TNNI3K: variants seen among roughly 807,000 people sequenced by gnomAD.
TNNI3K encodes TNNI3 interacting kinase, also known as serine/threonine-protein kinase TNNI3K.
TNNI3K carries 140 observed loss-of-function variants against 114.5 expected under a neutral mutation model. The observed-to-expected ratio is 1.22, with a 90% confidence interval of 1.07 to 1.41. TNNI3K has a LOEUF of 1.41. Ranked by LOEUF, TNNI3K falls within the 40% of genes most tolerant of loss-of-function variation. TNNI3K has a pLI of 0.00. For synonymous variants in TNNI3K, 347 were observed against 347.5 expected, an observed-to-expected ratio of 1.00 and a Z score of 0.02; for missense variants, 1,125 against 1,007.6, an observed-to-expected ratio of 1.12 and a Z score of -1.58.
At chr1:74,541,158 G>C (rs888298771) in intron 24 of TNNI3K, among the ~76,000 whole-genome samples, 1 of 152,152 alleles carries the variant, frequency 6.6e-6, no homozygotes, top group Non-Finnish European at 1.5e-5. Context: ...AGCTGGGTTT[G>C]GGAAAGAATA....
intron 23 of TNNI3K, among the ~76,000 whole-genome samples, chr1:74,510,667 G>A (rs141038369): frequency 7.2e-5 from 11 of 152,210 alleles, no homozygotes; most frequent in African/African-American, 2.4e-4. Context: ...ATAAACTTCC[G>A]TTTCTCTTTG....
intron 5 of TNNI3K, among the ~76,000 whole-genome samples, chr1:74,305,935 A>G (rs1277946452): frequency 6.6e-6 from 1 of 152,176 alleles, no homozygotes; most frequent in African/African-American, 2.4e-5. Flanking sequence ...AATATATTGC[A>G]TAATGCTTGG....
chr1:74,279,216 A>G (rs1656860084), intron 5 of TNNI3K, among the ~76,000 whole-genome samples: 1 of 152,192 alleles, frequency 6.6e-6, no homozygotes, highest in Non-Finnish European at 1.5e-5. Flanking sequence ...GGTATTGGAC[A>G]AGGCCCCTAC....
intron 2 of TNNI3K, among the ~76,000 whole-genome samples, chr1:74,245,295 G>T (rs1654486566): frequency 6.6e-6 from 1 of 152,184 alleles, no homozygotes; most frequent in African/African-American, 2.4e-5. Context: ...CTCTGATATA[G>T]TCCCTGGTGA....
intron 17 of TNNI3K, among the ~76,000 whole-genome samples, chr1:74,396,726 A>T (rs1430792888): frequency 2.0e-5 from 3 of 152,180 alleles, no homozygotes; most frequent in Non-Finnish European, 4.4e-5. Context: ...AATTAGAGGG[A>T]TTAGAGTCCA....
At chr1:74,288,260 C>T (rs757696116) in intron 5 of TNNI3K, among the ~76,000 whole-genome samples, 2 of 152,044 alleles carry the variant, frequency 1.3e-5, no homozygotes, top group African/African-American at 4.8e-5. Flanking sequence ...TATCTGCATT[C>T]CCATTTTTTA....
At chr1:74,533,076 A>C (rs1165976046) in intron 23 of TNNI3K, among the ~76,000 whole-genome samples, 1 of 152,216 alleles carries the variant, frequency 6.6e-6, no homozygotes, top group Non-Finnish European at 1.5e-5. Context: ...GGATCTAATT[A>C]AACTAAAGAG....
At chr1:74,370,099 C>G (rs1454877857) in intron 16 of TNNI3K, among the ~76,000 whole-genome samples, 189 bp from the exon 17 acceptor site, 1 of 151,734 alleles carries the variant, frequency 6.6e-6, no homozygotes. Context: ...TGCTGTATAT[C>G]TTAATTGATT....
At chr1:74,538,774 C>A (rs552938403) in intron 23 of TNNI3K, among the ~76,000 whole-genome samples, 7 of 152,032 alleles carry the variant, frequency 4.6e-5, no homozygotes, top group Admixed American at 6.6e-5. Context: ...AAGAGCATTG[C>A]AAGCAGCGTT....
chr1:74,522,220 A>T (rs17095509), intron 23 of TNNI3K, among the ~76,000 whole-genome samples: 6,245 of 152,214 alleles, frequency 0.041, 405 homozygotes, highest in African/African-American at 0.14. Context: ...AAGGTTATAG[A>T]CTCAGGGGCT....
At chr1:74,535,807 C>T (rs1646654207) in intron 23 of TNNI3K, among the ~76,000 whole-genome samples, 1 of 152,160 alleles carries the variant, frequency 6.6e-6, no homozygotes, top group East Asian at 1.9e-4. Context: ...GATATTCAGT[C>T]AGTCACAATT....
At chr1:74,387,747 T>C (rs1663560976) in intron 17 of TNNI3K, among the ~76,000 whole-genome samples, 1 of 152,210 alleles carries the variant, frequency 6.6e-6, no homozygotes, top group Admixed American at 6.5e-5. Context: ...TTCAAAACAC[T>C]GCAATGATTA....
chr1:74,387,585 C>T (rs956703351), intron 17 of TNNI3K, among the ~76,000 whole-genome samples: 10 of 152,130 alleles, frequency 6.6e-5, no homozygotes, highest in Admixed American at 6.6e-5. Flanking sequence ...AGGAATTTAC[C>T]ATGAGCTTTG....
chr1:74,519,331 C>T (rs969067724), intron 23 of TNNI3K, among the ~76,000 whole-genome samples: 5 of 103,524 alleles, frequency 4.8e-5, no homozygotes, highest in Non-Finnish European at 7.2e-5. Context: ...TGAATAGTGC[C>T]GCAATAAACA....
rs191291789 is a variant in TNNI3K, at chr1:74,519,560, T to C, written c.2352-20674T>C. Among the ~76,000 whole-genome samples the C allele has an allele frequency of 6.9e-3, 876 of 126,348 alleles. 32 individuals carry two copies. The highest frequency in any genetic ancestry group is 8.4e-3 in the Non-Finnish European group (551 of 65,954). 82.9% of individuals were successfully genotyped at this position (126,348 alleles called of 152,430 possible). On this transcript the variant is annotated intron_variant, in intron 23 of 24. Transcript: ENST00000326637. ...CCAGCACCTGTTGTTTCCTGACTTT[T>C]TAATGATTGCCTTACTTTAAAAGTG...
chr1:74,396,285 G>A (rs1280170881), intron 17 of TNNI3K, among the ~76,000 whole-genome samples: 1 of 151,942 alleles, frequency 6.6e-6, no homozygotes, highest in Admixed American at 6.6e-5. Flanking sequence ...TTAGAAAAAT[G>A]TAAGAGAGAC....
In TNNI3K at chr1:74,331,841, G is replaced by A. The variant is rs763131307; in HGVS notation, c.543+293G>A. Among the ~76,000 whole-genome samples, 3 of 152,074 alleles carry A rather than the reference G, an allele frequency of 2.0e-5. No individual in the cohort carries two copies. In the East Asian group the frequency reaches 5.8e-4, roughly 29 times the overall value. On this transcript the variant is annotated intron_variant, in intron 6 of 24. Transcript: ENST00000326637. ...GAAAAATTCCTAGTGTTTTGACCAG[G>A]TGTAGGTTATGTAATCCCTCTGATC...
At chr1:74,358,757 T>TA (rs997240858) in intron 11 of TNNI3K, among the ~76,000 whole-genome samples, 8 of 151,780 alleles carry the variant, frequency 5.3e-5, no homozygotes, top group East Asian at 3.9e-4. Context: ...TGCTCTCTTT[T>TA]AAAAAAAATA....
chr1:74,451,831 G>T (rs546792476), intron 20 of TNNI3K, among the ~76,000 whole-genome samples: 1 of 149,556 alleles, frequency 6.7e-6, no homozygotes, highest in Non-Finnish European at 1.5e-5. Context: ...GAAGTGGTAA[G>T]ATATATACCT....
Sources: gnomAD v4.1 joint callset for allele counts (sites outside exome capture counted in the v4.1 genomes callset) on GRCh38, gnomAD v4.1.1 for gene constraint, MANE v1.5 for transcripts, NCBI Gene and HGNC (gene_info 2026-07-23, HGNC 2026-07-21) for gene names.